The following ECT2L variants were observed in gnomAD, a reference collection of about 807,000 sequenced individuals.
ECT2L encodes the protein epithelial cell-transforming sequence 2 oncogene-like.
Under a neutral mutation model 122.8 loss-of-function variants are expected in ECT2L, and 126 were observed. The ratio of observed to expected loss-of-function variants is 1.03; its 90% CI spans 0.89 to 1.19. The LOEUF is 1.19. ECT2L is among the 50% of genes most tolerant of loss of function. The pLI is 0.00. For missense variants in ECT2L, 1,012 were observed against 1,064.1 expected, an observed-to-expected ratio of 0.95 and a Z score of 0.68; for synonymous variants, 385 against 381.8, an observed-to-expected ratio of 1.01 and a Z score of -0.10.
At chr6:138,831,804 T>A (rs2128383967) in intron 4 of ECT2L, among the ~76,000 whole-genome samples, 1 of 152,356 alleles carries the variant, frequency 6.6e-6, no homozygotes, top group South Asian at 2.1e-4. Context: ...CCGTGAACTG[T>A]ACAATCACAG....
At chr6:138,807,814 G>A (rs1375842720) in intron 1 of ECT2L, among the ~76,000 whole-genome samples, 1 of 152,184 alleles carries the variant, frequency 6.6e-6, no homozygotes, top group African/African-American at 2.4e-5. Flanking sequence ...CTTGTCATAG[G>A]TAGAGTGTCC....
chr6:138,816,167 T>G (rs1485840177), intron 4 of ECT2L, among the ~76,000 whole-genome samples: 2 of 152,184 alleles, frequency 1.3e-5, no homozygotes, highest in Non-Finnish European at 2.9e-5. Flanking sequence ...AGACCTCACA[T>G]TTATAACCAC....
intron 14 of ECT2L, among the ~76,000 whole-genome samples, chr6:138,878,306 T>TATATACAC (rs139026623): frequency 6.7e-6 from 1 of 150,218 alleles, no homozygotes; most frequent in African/African-American, 2.5e-5. Context: ...CATATATATA[T>TATATACAC]ACACACACAC....
intron 4 of ECT2L, among the ~76,000 whole-genome samples, chr6:138,820,610 C>A (rs1160281442): frequency 6.6e-6 from 1 of 152,052 alleles, no homozygotes; most frequent in East Asian, 1.9e-4. Context: ...CTTCTCTGGT[C>A]ATCTCAACTC....
chr6:138,880,309 T>C (rs1030165436), intron 14 of ECT2L, among the ~76,000 whole-genome samples: 1 of 152,152 alleles, frequency 6.6e-6, no homozygotes, highest in Admixed American at 6.6e-5. Context: ...AGTGCTCACA[T>C]GGTGGAAGGC....
chr6:138,882,582 T>C, intron 15 of ECT2L, 142 bp from the exon 16 acceptor site: 8 of 1,003,344 alleles, frequency 8.0e-6, no homozygotes, highest in Non-Finnish European at 1.1e-5. Context: ...TCTCCACTTC[T>C]CTGTGTTAGG....
intron 13 of ECT2L, among the ~76,000 whole-genome samples, chr6:138,873,805 A>G (rs1340959726): frequency 6.6e-6 from 1 of 152,072 alleles, no homozygotes; most frequent in Non-Finnish European, 1.5e-5. Context: ...AAAAAAATAA[A>G]CAAAACAAAA....
intron 7 of ECT2L, 27 bp from the exon 8 acceptor site, chr6:138,846,512 C>A (rs764192384): frequency 3.2e-6 from 5 of 1,549,040 alleles, no homozygotes; most frequent in Non-Finnish European, 4.3e-6. Context: ...AAAATGAAAA[C>A]TTCTCATATT....
intron 12 of ECT2L, 78 bp downstream of exon 12, chr6:138,865,256 T>C (rs1777992361): frequency 5.7e-6 from 8 of 1,393,682 alleles, no homozygotes; most frequent in Middle Eastern, 1.9e-4. Context: ...AGTTTAGTTA[T>C]GGCGCAAGTA....
At chr6:138,853,571 C>T (rs1777518610) in intron 9 of ECT2L, among the ~76,000 whole-genome samples, 2 of 152,130 alleles carry the variant, frequency 1.3e-5, no homozygotes, top group African/African-American at 4.8e-5. Flanking sequence ...GTGGAATCAT[C>T]ACACAGAATT....
Position 138,844,418 on chromosome 6 carries a change from T to C in ECT2L, c.602T>C (p.Leu201Ser), listed in dbSNP as rs1396827797. Residue 201 changes from leucine to serine, a missense_variant, in exon 7 of 22, where the codon TTA (leucine) becomes TCA (serine). By Grantham distance (145) the Leu-to-Ser change is moderately radical. Transcript: ENST00000541398. ...GCTGTTCTTTGTTTTTCAGAGGAGT[T>C]ATTCAAAGTTCGACCCCCTTGGGTG... ...WEKIALRKKE[L>S]FKVRPPWVSG... 4.3e-6 allele frequency: 7 copies of C among 1,613,638 alleles called. No individual in the cohort carries two copies. The highest frequency in any genetic ancestry group is 5.1e-6 in the Non-Finnish European group (6 of 1,179,672).
chr6:138,830,770 C>A (rs9403007), intron 4 of ECT2L, among the ~76,000 whole-genome samples: 8,859 of 152,228 alleles, frequency 0.058, 370 homozygotes, highest in East Asian at 0.2. Flanking sequence ...GACAAATCCT[C>A]TACATGTCGT....
At chr6:138,842,554 G>A (rs775448140) in intron 5 of ECT2L, among the ~76,000 whole-genome samples, 2 of 152,044 alleles carry the variant, frequency 1.3e-5, no homozygotes, top group Non-Finnish European at 2.9e-5. Flanking sequence ...GGCGGATCAC[G>A]AGGTCAGGAG....
chr6:138,830,034 T>C (rs1346755090), intron 4 of ECT2L, among the ~76,000 whole-genome samples: 1 of 152,216 alleles, frequency 6.6e-6, no homozygotes, highest in Non-Finnish European at 1.5e-5. Flanking sequence ...TAAATTTCTG[T>C]GTTTTAGAAT....
At chr6:138,880,573 C>A (rs997087773) in intron 14 of ECT2L, among the ~76,000 whole-genome samples, 1 of 152,148 alleles carries the variant, frequency 6.6e-6, no homozygotes, top group Non-Finnish European at 1.5e-5. Context: ...CAAGAGTAGA[C>A]AAGCCAAAGT....
At position 138,843,003 on chromosome 6, in the gene ECT2L, G is replaced by C. The variant is rs778851362; in HGVS notation, c.367G>C (p.Val123Leu). 1.3e-6 allele frequency: 2 copies of C among 1,549,726 alleles called. No homozygotes were observed. The change falls in exon 6 of 22, where the codon GTT becomes CTT. Residue 123 changes from valine to leucine, a missense_variant. Physicochemically the swap from Val to Leu is conservative, Grantham distance 32 (BLOSUM62 1). Coordinates refer to ENST00000541398, the MANE Select transcript of ECT2L (RefSeq NM_001077706.3). ...EQDCLWMPKC[V>L]KFGWFLPYTP... ...GGATTGCTTATGGATGCCCAAATGC[G>C]TTAAGTTCGGATGGTTTCTGCCCTA... is the stretch of plus-strand genomic sequence containing the variant.
At chr6:138,823,458 C>A in intron 4 of ECT2L, 1 of 1,605,750 alleles carries the variant, frequency 6.2e-7, no homozygotes, top group Non-Finnish European at 8.5e-7. Flanking sequence ...AATATCTCGA[C>A]CCCTAAAAGT....
intron 20 of ECT2L, among the ~76,000 whole-genome samples, chr6:138,896,091 A>AGTTT (rs1255944186): frequency 2.1e-5 from 3 of 141,886 alleles, no homozygotes; most frequent in African/African-American, 2.8e-5. Context: ...TTCATTGCTG[A>AGTTT]ATTTTTTTTT....
intron 4 of ECT2L, among the ~76,000 whole-genome samples, chr6:138,835,837 T>C (rs899552917): frequency 2.0e-5 from 3 of 152,224 alleles, no homozygotes; most frequent in African/African-American, 7.2e-5. Flanking sequence ...TTCCATTTGG[T>C]CCAGAATCCA....
Sources: gnomAD v4.1 joint callset for allele counts (sites outside exome capture counted in the v4.1 genomes callset) on GRCh38, gnomAD v4.1.1 for gene constraint, MANE v1.5 for transcripts, NCBI Gene and HGNC (gene_info 2026-07-23, HGNC 2026-07-21) for gene names.